SEMA3C: variants seen among roughly 807,000 people sequenced by gnomAD.
The protein encoded by SEMA3C is semaphorin-3C.
In SEMA3C, 47 loss-of-function variants were observed where a neutral mutation model predicts 89.4. The ratio of observed to expected loss-of-function variants is 0.53; its 90% CI spans 0.42 to 0.67. SEMA3C has a LOEUF of 0.67. SEMA3C is among the 30% of genes least tolerant of loss of function. SEMA3C has a pLI of 0.00. For synonymous variants in SEMA3C, 310 were observed against 320.2 expected, an observed-to-expected ratio of 0.97 and a Z score of 0.34; for missense variants, 839 against 929.1, an observed-to-expected ratio of 0.90 and a Z score of 1.26.
intron 13 of SEMA3C, among the ~76,000 whole-genome samples, chr7:80,763,808 A>T (rs118081725): frequency 0.026 from 4,004 of 151,942 alleles, 80 homozygotes; most frequent in South Asian, 0.049. Flanking sequence ...GAGAAAAAAA[A>T]TATGTTCTAT....
At chr7:80,890,131 A>T (rs1475645820) in intron 2 of SEMA3C, among the ~76,000 whole-genome samples, 1 of 152,190 alleles carries the variant, frequency 6.6e-6, no homozygotes, top group African/African-American at 2.4e-5. Flanking sequence ...TGTGTAAGTT[A>T]ATCTATCACA....
chr7:80,789,792 T>C (rs576358014), intron 11 of SEMA3C, among the ~76,000 whole-genome samples: 1 of 152,220 alleles, frequency 6.6e-6, no homozygotes, highest in Non-Finnish European at 1.5e-5. Flanking sequence ...GTATATGAGA[T>C]AACTCTTCAC....
chr7:80,921,560 C>T (rs1039164659), upstream of SEMA3C, among the ~76,000 whole-genome samples: 5 of 152,160 alleles, frequency 3.3e-5, no homozygotes, highest in African/African-American at 2.4e-5. Context: ...TTTGACTGTC[C>T]TTACAAGTGG....
intron 13 of SEMA3C, among the ~76,000 whole-genome samples, chr7:80,763,631 G>A (rs1788234590): frequency 6.6e-6 from 1 of 152,082 alleles, no homozygotes; most frequent in Non-Finnish European, 1.5e-5. Context: ...GTATGTTTAG[G>A]TTTATGTCAT....
intron 2 of SEMA3C, among the ~76,000 whole-genome samples, chr7:80,868,153 A>G (rs1192045679): frequency 2.0e-5 from 3 of 152,206 alleles, no homozygotes; most frequent in Admixed American, 6.5e-5. Context: ...GGAATAGAGT[A>G]TGGTGCATGT....
chr7:80,773,793 G>T (rs1384770550), intron 12 of SEMA3C, among the ~76,000 whole-genome samples: 1 of 152,184 alleles, frequency 6.6e-6, no homozygotes, highest in African/African-American at 2.4e-5. Flanking sequence ...GAAACACTCT[G>T]TGAGTCTCTG....
At chr7:80,766,746 A>G (rs1456639138) in intron 12 of SEMA3C, among the ~76,000 whole-genome samples, 1 of 152,244 alleles carries the variant, frequency 6.6e-6, no homozygotes, top group South Asian at 2.1e-4. Context: ...ACTGGTGATC[A>G]GCAGCTTCCC....
intron 6 of SEMA3C, 110 bp downstream of exon 6, chr7:80,810,501 T>C (rs1166810600): frequency 1.4e-6 from 1 of 712,054 alleles, no homozygotes; most frequent in African/African-American, 1.8e-5. Context: ...CTTCATATTA[T>C]TTTACTCACA....
chr7:80,884,876 G>A (rs190564571), intron 2 of SEMA3C, among the ~76,000 whole-genome samples: 9 of 152,328 alleles, frequency 5.9e-5, no homozygotes, highest in Admixed American at 3.3e-4. Context: ...TAGGAACACT[G>A]TGTAAAGAAC....
chr7:80,830,328 T>C (rs1789980758), intron 2 of SEMA3C, among the ~76,000 whole-genome samples: 1 of 152,166 alleles, frequency 6.6e-6, no homozygotes, highest in Non-Finnish European at 1.5e-5. Context: ...TGGAAATCAA[T>C]TTAATTGACA....
At chr7:80,745,887 A>G (rs1787789265) in intron 17 of SEMA3C, among the ~76,000 whole-genome samples, 1 of 152,142 alleles carries the variant, frequency 6.6e-6, no homozygotes, top group African/African-American at 2.4e-5. Flanking sequence ...ACAATGTCTA[A>G]AAATTAGCTG....
chr7:80,869,010 A>C (rs543026801), intron 2 of SEMA3C, among the ~76,000 whole-genome samples: 4 of 152,230 alleles, frequency 2.6e-5, no homozygotes, highest in Non-Finnish European at 5.9e-5. Flanking sequence ...AAAAACCTAA[A>C]TTAGGTATAT....
chr7:80,919,180 C>T (rs978277033), upstream of SEMA3C: 5 of 984,764 alleles, frequency 5.1e-6, no homozygotes, highest in South Asian at 4.7e-5. Context: ...GCCCCGGCCG[C>T]ATCTCCGCCA....
chr7:80,883,360 C>T (rs1472622813), intron 2 of SEMA3C, among the ~76,000 whole-genome samples: 1 of 152,148 alleles, frequency 6.6e-6, no homozygotes, highest in Admixed American at 6.6e-5. Context: ...ACCCCTTATT[C>T]CAATCACAAA....
Position 80,875,661 on chromosome 7 carries a change from A to T in SEMA3C, c.103+41018T>A, listed in dbSNP as rs575286686. Among the ~76,000 whole-genome samples, 32 of 152,134 alleles carry T rather than the reference A, an allele frequency of 2.1e-4. 1 individual carries two copies. In the South Asian group the frequency reaches 6.2e-3, roughly 30 times the overall value. ...AAACATGCTTTTGTCGAGCATATCC[A>T]CTACCCGCCTATTACTCACTTAGCA... On this transcript the variant is annotated intron_variant, in intron 2 of 17. Coordinates refer to ENST00000265361, the MANE Select transcript of SEMA3C (RefSeq NM_006379.5).
chr7:80,882,523 C>G (rs1791371178), intron 2 of SEMA3C, among the ~76,000 whole-genome samples: 1 of 144,020 alleles, frequency 6.9e-6, no homozygotes, highest in Admixed American at 7.4e-5. Flanking sequence ...CCTCATAGAG[C>G]TCATGACACA....
chr7:80,840,675 C>T (rs1051115960), intron 2 of SEMA3C, among the ~76,000 whole-genome samples: 31 of 151,766 alleles, frequency 2.0e-4, no homozygotes, highest in Non-Finnish European at 4.6e-4. Context: ...AAGATGACTC[C>T]AAAAATTGAG....
At chr7:80,797,454 G>A (rs1789090996) in intron 11 of SEMA3C, among the ~76,000 whole-genome samples, 1 of 152,066 alleles carries the variant, frequency 6.6e-6, no homozygotes, top group African/African-American at 2.4e-5. Context: ...TTTAATAACA[G>A]TACTTCTAGT....
At chr7:80,787,911 C>T (rs1460802077) in intron 12 of SEMA3C, among the ~76,000 whole-genome samples, 5 of 152,004 alleles carry the variant, frequency 3.3e-5, no homozygotes, top group Admixed American at 2.0e-4. Context: ...ATGTCCAACC[C>T]GTGGGAAAGG....
Sources: allele counts gnomAD v4.1 joint callset (sites outside exome capture counted in the v4.1 genomes callset), GRCh38; gene constraint gnomAD v4.1.1; transcripts MANE v1.5; gene names NCBI Gene and HGNC (gene_info 2026-07-23, HGNC 2026-07-21).